RDX: variants seen among roughly 807,000 people sequenced by gnomAD.
The protein encoded by RDX is radixin.
Under a neutral mutation model 83.7 loss-of-function variants are expected in RDX, and 32 were observed. That is an observed-to-expected ratio of 0.38 (90% CI 0.29 to 0.51). RDX has a LOEUF of 0.51. Among genes scored for constraint, RDX ranks in the 20% least tolerant of loss-of-function variants. The probability of loss-of-function intolerance (pLI) is 0.87; values close to 1 mark genes in which losing one functional copy is unlikely to be tolerated. For synonymous variants in RDX, 229 were observed against 222.7 expected (o/e 1.03, Z -0.25); for missense variants, 600 against 689.9 (o/e 0.87, Z 1.46).
intron 10 of RDX, among the ~76,000 whole-genome samples, chr11:110,245,450 T>C (rs759573109): frequency 3.9e-4 from 60 of 152,202 alleles, no homozygotes; most frequent in Non-Finnish European, 1.9e-4. Flanking sequence ...AGAACCCACC[T>C]AGAAATTTTC....
At chr11:110,222,214 T>G (rs975225044) in intron 14 of RDX, among the ~76,000 whole-genome samples, 1 of 152,200 alleles carries the variant, frequency 6.6e-6, no homozygotes, top group African/African-American at 2.4e-5. Context: ...ACTAGTTATC[T>G]AGAAGACATA....
intron 1 of RDX, among the ~76,000 whole-genome samples, chr11:110,296,230 G>A (rs1565342352): frequency 6.6e-6 from 1 of 152,062 alleles, no homozygotes. Context: ...TCGGGCCGCG[G>A]CTCAGCCACG....
At chr11:110,211,390 C>CT (rs1200039508) in intron 14 of RDX, among the ~76,000 whole-genome samples, 7 of 151,074 alleles carry the variant, frequency 4.6e-5, no homozygotes, top group African/African-American at 7.3e-5. Flanking sequence ...TAATGGGAGA[C>CT]TTTAACACCC....
At chr11:110,257,723 A>G in intron 7 of RDX, 44 bp downstream of exon 7, 8 of 1,590,816 alleles carry the variant, frequency 5.0e-6, no homozygotes, top group South Asian at 1.1e-5. Context: ...CGTCATTTAG[A>G]CCACTGAACA....
intron 3 of RDX, among the ~76,000 whole-genome samples, chr11:110,270,650 T>A (rs1860265714): frequency 6.6e-6 from 1 of 152,206 alleles, no homozygotes; most frequent in African/African-American, 2.4e-5. Context: ...GATTAATTTG[T>A]CCAAAGTCAA....
Position 110,272,644 on chromosome 11 carries a change from TA to T in RDX, c.13-26del, listed in dbSNP as rs1860352114. Reference sequence around the variant, plus strand: ...TCTGTAATAAAAATAAAAGGAATAATAAGTAGAAGAGAAGTTATTAGGCGTG... The same window carrying T: ...TCTGTAATAAAAATAAAAGGAATAATAGTAGAAGAGAAGTTATTAGGCGTG... On this transcript the variant is annotated intron_variant, in intron 2 of 13. Coordinates refer to ENST00000645495, the MANE Select transcript of RDX (RefSeq NM_002906.4). 3 of 1,499,596 alleles carry T rather than the reference TA, an allele frequency of 2.0e-6. No homozygotes were observed. The African/African-American group carries it at 4.2e-5, about 21-fold the overall frequency. 92.9% of individuals were successfully genotyped at this position (1,499,596 alleles called of 1,614,324 possible).
chr11:110,182,424 A>C (rs563471255), intron 15 of RDX, among the ~76,000 whole-genome samples: 9 of 152,280 alleles, frequency 5.9e-5, no homozygotes, highest in African/African-American at 2.2e-4. Context: ...AACATGGCAA[A>C]ACCCCGTCTC....
At chr11:110,178,217 C>G (rs745542747) in intron 15 of RDX, among the ~76,000 whole-genome samples, 5 of 152,206 alleles carry the variant, frequency 3.3e-5, no homozygotes, top group African/African-American at 4.8e-5. Context: ...ACCTGCAGCT[C>G]TCCTGGTCTT....
chr11:110,251,850 T>C (rs954220325), intron 9 of RDX, among the ~76,000 whole-genome samples: 3 of 152,154 alleles, frequency 2.0e-5, no homozygotes, highest in Non-Finnish European at 2.9e-5. Context: ...AGGGAGTAAA[T>C]ATAGCCAAAT....
At chr11:110,237,339 T>C (rs1157296805) in intron 11 of RDX, among the ~76,000 whole-genome samples, 153 bp downstream of exon 11, 2 of 152,126 alleles carry the variant, frequency 1.3e-5, no homozygotes, top group East Asian at 3.8e-4. Context: ...ATAAATTTTC[T>C]AGGTTTTTGT....
intron 14 of RDX, among the ~76,000 whole-genome samples, chr11:110,217,380 G>A (rs1272496730): frequency 6.6e-6 from 1 of 152,090 alleles, no homozygotes; most frequent in African/African-American, 2.4e-5. Flanking sequence ...ATTAGGGCAG[G>A]GACTTGGCTA....
intron 15 of RDX, among the ~76,000 whole-genome samples, chr11:110,191,841 G>C (rs1006843225): frequency 1.3e-5 from 2 of 152,100 alleles, no homozygotes; most frequent in Non-Finnish European, 2.9e-5. Flanking sequence ...GGGTGACAGA[G>C]GAGACTCTGT....
Position 110,187,792 on chromosome 11 carries a change from C to T in RDX, c.*31+11789G>A, listed in dbSNP as rs531217621. On this transcript the variant is annotated intron_variant, in intron 15 of 15. Transcript: ENST00000528498. ...CCTTCCGGGGGTTGAGCAGGGAGTT[C>T]GGACCATGGTGCACTGCACAGATCA... 3.2e-4 allele frequency among the ~76,000 whole-genome samples: 48 copies of T among 152,340 alleles called. 1 individual carries two copies. In the South Asian group the frequency reaches 5.2e-3, roughly 16 times the overall value.
At chr11:110,240,358 G>T (rs1384093118) in intron 10 of RDX, among the ~76,000 whole-genome samples, 1 of 152,184 alleles carries the variant, frequency 6.6e-6, no homozygotes, top group African/African-American at 2.4e-5. Context: ...TAAACTGGTG[G>T]TTATCAAAGG....
intron 5 of RDX, among the ~76,000 whole-genome samples, chr11:110,258,745 T>C (rs2134366273): frequency 6.6e-6 from 1 of 152,302 alleles, no homozygotes; most frequent in Non-Finnish European, 1.5e-5. Context: ...TTTGTTGTTT[T>C]AGGTAGGTAA....
chr11:110,188,334 A>G (rs1863029226), intron 15 of RDX, among the ~76,000 whole-genome samples: 1 of 149,276 alleles, frequency 6.7e-6, no homozygotes, highest in African/African-American at 2.5e-5. Flanking sequence ...AATAATAATA[A>G]TAACAATAAT....
intron 14 of RDX, among the ~76,000 whole-genome samples, chr11:110,202,090 C>A (rs1863431305): frequency 6.6e-6 from 1 of 151,972 alleles, no homozygotes; most frequent in Non-Finnish European, 1.5e-5. Flanking sequence ...TAGTTTAACA[C>A]TTTAAAGAAT....
At chr11:110,235,551 C>G (rs181278164) in intron 12 of RDX, among the ~76,000 whole-genome samples, 1 of 152,166 alleles carries the variant, frequency 6.6e-6, no homozygotes, top group Admixed American at 6.5e-5. Flanking sequence ...GATCATGTTA[C>G]AATCCTGTTT....
At chr11:110,235,880 G>A (rs149388058) in intron 12 of RDX, among the ~76,000 whole-genome samples, 21 of 152,228 alleles carry the variant, frequency 1.4e-4, no homozygotes, top group Admixed American at 3.9e-4. Flanking sequence ...ATGTATATGG[G>A]TCTCCCGACA....
Sources: allele counts gnomAD v4.1 joint callset (sites outside exome capture counted in the v4.1 genomes callset), GRCh38; gene constraint gnomAD v4.1.1; transcripts MANE v1.5; gene names NCBI Gene and HGNC (gene_info 2026-07-23, HGNC 2026-07-21).